The following ROBO2 variants were observed in gnomAD, a reference collection of about 807,000 sequenced individuals.
ROBO2 encodes the protein roundabout guidance receptor 2.
A neutral mutation model predicts 160.8 loss-of-function variants in ROBO2; 53 were observed. The observed-to-expected ratio is 0.33, with a 90% confidence interval of 0.26 to 0.41. The LOEUF (loss-of-function observed/expected upper bound fraction) is 0.41. Among genes scored for constraint, ROBO2 ranks in the 10% least tolerant of loss-of-function variants. ROBO2 has a pLI of 1.00. For synonymous variants in ROBO2, 664 were observed against 611.7 expected, an observed-to-expected ratio of 1.09 and a Z score of -1.26; for missense variants, 1,577 against 1,722.4, an observed-to-expected ratio of 0.92 and a Z score of 1.49.
intron 8 of ROBO2, among the ~76,000 whole-genome samples, chr3:77,555,998 G>A (rs1582918314): frequency 6.6e-6 from 1 of 151,856 alleles, no homozygotes; most frequent in Non-Finnish European, 1.5e-5. Context: ...ACCTTTGGCT[G>A]CATCTAATGA....
At chr3:77,169,899 G>T (rs1045306239) in intron 2 of ROBO2, among the ~76,000 whole-genome samples, 8 of 152,152 alleles carry the variant, frequency 5.3e-5, no homozygotes, top group African/African-American at 9.7e-5. Flanking sequence ...TCGTCCTGGG[G>T]TCTCTGGGGG....
Position 76,334,374 on chromosome 3 carries a change from T to C in ROBO2, c.109+396772T>C, listed in dbSNP as rs1309860186. On this transcript the variant is annotated intron_variant, in intron 2 of 26. Coordinates refer to the ROBO2 transcript ENST00000487694. The stretch of plus-strand genomic sequence containing the variant: ...GTAGAAGTTGGTGAATGTATATTTG[T>C]TGAACAAATTAATGAATATGAGTGT... 3.9e-5 allele frequency among the ~76,000 whole-genome samples: 6 copies of C among 152,168 alleles called. No homozygotes were observed. In the South Asian group the frequency reaches 1.2e-3, roughly 31 times the overall value.
At chr3:77,117,222 A>G (rs62251796) in intron 2 of ROBO2, among the ~76,000 whole-genome samples, 27,648 of 152,138 alleles carry the variant, frequency 0.18, 4,225 homozygotes, top group African/African-American at 0.42. Flanking sequence ...TTTTGGAAAC[A>G]ATGTGACATA....
At chr3:76,397,748 A>G (rs1448302757) in intron 2 of ROBO2, among the ~76,000 whole-genome samples, 6 of 152,238 alleles carry the variant, frequency 3.9e-5, no homozygotes, top group Non-Finnish European at 8.8e-5. Context: ...TGGCCATCAG[A>G]GAAATGCAAA....
intron 2 of ROBO2, among the ~76,000 whole-genome samples, chr3:76,196,552 T>C (rs1304151034): frequency 6.6e-6 from 1 of 152,130 alleles, no homozygotes; most frequent in Non-Finnish European, 1.5e-5. Context: ...ATACTCTAAA[T>C]AATAATTTTA....
chr3:76,709,903 C>A (rs887881335), intron 2 of ROBO2, among the ~76,000 whole-genome samples: 3 of 152,212 alleles, frequency 2.0e-5, no homozygotes, highest in Non-Finnish European at 2.9e-5. Flanking sequence ...AGAAGTATAA[C>A]CAGACCACTT....
intron 2 of ROBO2, among the ~76,000 whole-genome samples, chr3:76,395,071 T>G (rs569807078): frequency 1.4e-4 from 22 of 152,204 alleles, no homozygotes; most frequent in African/African-American, 5.3e-4. Context: ...ACCACACAGT[T>G]GGAAGTAAAG....
chr3:76,813,665 G>A (rs558595838), intron 2 of ROBO2, among the ~76,000 whole-genome samples: 14 of 151,996 alleles, frequency 9.2e-5, no homozygotes, highest in African/African-American at 2.7e-4. Context: ...ATAAAATAGC[G>A]CAGCATCTAT....
At chr3:77,422,346 A>T (rs1362426265) in intron 2 of ROBO2, among the ~76,000 whole-genome samples, 1 of 152,202 alleles carries the variant, frequency 6.6e-6, no homozygotes, top group Non-Finnish European at 1.5e-5. Flanking sequence ...AAGGCTAAGC[A>T]GGCATTTATA....
At chr3:76,985,575 G>GGAAAAAA (rs2060332419) in intron 2 of ROBO2, among the ~76,000 whole-genome samples, 2 of 26,378 alleles carry the variant, frequency 7.6e-5, no homozygotes, top group South Asian at 4.1e-3. Context: ...GACTCCGTCT[G>GGAAAAAA]AAAAAAAAAA....
chr3:76,397,946 A>T (rs1576934123), intron 2 of ROBO2, among the ~76,000 whole-genome samples: 1 of 152,114 alleles, frequency 6.6e-6, no homozygotes, highest in Non-Finnish European at 1.5e-5. Context: ...AACTAGAAGT[A>T]CCATTTGACC....
intron 2 of ROBO2, among the ~76,000 whole-genome samples, chr3:77,228,284 AG>A (rs1374982703): frequency 2.6e-5 from 4 of 152,082 alleles, no homozygotes; most frequent in Non-Finnish European, 4.4e-5. Flanking sequence ...CTCCCACCTC[AG>A]CCTCTGGAGT....
At chr3:76,024,723 G>T (rs933248444) in intron 2 of ROBO2, among the ~76,000 whole-genome samples, 1 of 151,522 alleles carries the variant, frequency 6.6e-6, no homozygotes, top group Non-Finnish European at 1.5e-5. Flanking sequence ...TTCTAATGTT[G>T]CATGGCATAA....
chr3:76,315,571 G>A (rs1007847577), intron 2 of ROBO2, among the ~76,000 whole-genome samples: 69 of 152,206 alleles, frequency 4.5e-4, no homozygotes, highest in Admixed American at 2.0e-3. Context: ...AATTATTTCA[G>A]AATTTGTTGG....
intron 2 of ROBO2, among the ~76,000 whole-genome samples, chr3:76,438,952 G>A (rs988253059): frequency 6.6e-6 from 1 of 151,900 alleles, no homozygotes; most frequent in Admixed American, 6.6e-5. Context: ...TGAAAGTTGT[G>A]GTTTGAGAAC....
At chr3:76,512,864 A>G (rs1017344640) in intron 2 of ROBO2, among the ~76,000 whole-genome samples, 7 of 152,284 alleles carry the variant, frequency 4.6e-5, no homozygotes, top group East Asian at 1.9e-4. Context: ...TTTGGTCCCA[A>G]GTATTCTGGA....
At chr3:76,701,848 TA>T (rs34039752) in intron 2 of ROBO2, among the ~76,000 whole-genome samples, 30,199 of 143,242 alleles carry the variant, frequency 0.21, 4,980 homozygotes, top group African/African-American at 0.47. Flanking sequence ...TGTAGCAGTC[TA>T]AAAAAAAAAA....
chr3:76,217,697 G>T (rs552407957), intron 2 of ROBO2, among the ~76,000 whole-genome samples: 1 of 152,162 alleles, frequency 6.6e-6, no homozygotes, highest in Admixed American at 6.5e-5. Context: ...AAAAATCCAG[G>T]ACCAGATGGA....
upstream of ROBO2, among the ~76,000 whole-genome samples, chr3:77,034,892 T>A (rs1283378604): frequency 6.6e-6 from 1 of 151,952 alleles, no homozygotes; most frequent in Non-Finnish European, 1.5e-5. Flanking sequence ...CTTGGGTTCA[T>A]GAAAGTGTGG....
Sources: allele counts gnomAD v4.1 joint callset (sites outside exome capture counted in the v4.1 genomes callset), GRCh38; gene constraint gnomAD v4.1.1; transcripts MANE v1.5; gene names NCBI Gene and HGNC (gene_info 2026-07-23, HGNC 2026-07-21).